LZIC: variants seen among roughly 807,000 people sequenced by gnomAD.
LZIC encodes leucine zipper and CTNNBIP1 domain containing, also known as protein LZIC.
In LZIC, 28 loss-of-function variants were observed where a neutral mutation model predicts 25.4. The ratio of observed to expected loss-of-function variants is 1.10; its 90% CI spans 0.82 to 1.51. The LOEUF (loss-of-function observed/expected upper bound fraction) is 1.51. LZIC is among the 40% of genes most tolerant of loss of function. LZIC has a pLI of 0.00. For synonymous variants in LZIC, 65 were observed against 70.7 expected, an observed-to-expected ratio of 0.92 and a Z score of 0.40; for missense variants, 170 against 211.1, an observed-to-expected ratio of 0.81 and a Z score of 1.21.
chr1:9,941,234 C>G (rs1481423741), intron 2 of LZIC, among the ~76,000 whole-genome samples: 1 of 151,952 alleles, frequency 6.6e-6, no homozygotes, highest in Non-Finnish European at 1.5e-5. Flanking sequence ...GTCTCACGGT[C>G]ACCCAGGTGG....
chr1:9,933,050 CAAG>C, intron 5 of LZIC, 152 bp from the exon 6 acceptor site: 1 of 553,342 alleles, frequency 1.8e-6, no homozygotes, highest in Non-Finnish European at 3.2e-6. Context: ...GTCAGGAGAC[CAAG>C]ACCATCCTGG....
At position 9,929,575 on chromosome 1, in the gene LZIC, C is replaced by T. The variant is rs1640125989; in HGVS notation, c.*824G>A. The T allele has an allele frequency of 2.0e-6, 2 of 985,406 alleles. No homozygotes were observed. Among genetic ancestry groups the T allele is most frequent in the Non-Finnish European group, 2.4e-6 (2 of 829,922 alleles). The allele number at this position is 985,406 out of a possible 1,614,324, so 61.0% of individuals were successfully genotyped here. ...AGGGAGGGCCTCTAGCTGCCATTTCCTGTTGCTTCCCTGGTCAAACAACGC... is the reference window on the plus strand; with the variant it reads ...AGGGAGGGCCTCTAGCTGCCATTTCTTGTTGCTTCCCTGGTCAAACAACGC... On this transcript the variant is annotated 3_prime_UTR_variant, in exon 8 of 8. Transcript: ENST00000377223.
In LZIC at chr1:9,931,953, G is replaced by T. The variant is rs761600828; in HGVS notation, c.452C>A (p.Ala151Asp). 3.7e-6 allele frequency: 6 copies of T among 1,613,570 alleles called. No homozygotes were observed. Among genetic ancestry groups the T allele is most frequent in the Non-Finnish European group, 5.1e-6 (6 of 1,179,774 alleles). ...LGEKLTADDE[A>D]FLSANAGAIL... ...AGCACCTGCATTTGCTGACAAGAAG[G>T]CCTCATCATCTGCAGTCAGCTAAAC... Residue 151 changes from alanine (A) to aspartate (D), a missense_variant, in exon 7 of 8, where the codon GCC becomes GAC. Ala to Asp is a moderately radical substitution (Grantham distance 126). Coordinates refer to ENST00000377223, the MANE Select transcript of LZIC (RefSeq NM_032368.5).
chr1:9,939,542 C>CTTTTTTTTTTTTT (rs34837155), intron 2 of LZIC, among the ~76,000 whole-genome samples: 210 of 81,808 alleles, frequency 2.6e-3, no homozygotes, highest in Non-Finnish European at 3.7e-3. Context: ...CCACATCTGC[C>CTTTTTTTTTTTTT]TTTTTTTTTT....
chr1:9,942,832 C>T (rs927003606), intron 1 of LZIC, 50 bp from the exon 2 acceptor site: 8 of 562,282 alleles, frequency 1.4e-5, no homozygotes, highest in South Asian at 1.2e-4. Context: ...TATATATAAA[C>T]TTGCCCTAAG....
intron 2 of LZIC, among the ~76,000 whole-genome samples, chr1:9,941,190 T>TTCTTTCC: frequency 6.6e-6 from 1 of 151,812 alleles, no homozygotes; most frequent in Admixed American, 6.6e-5. Context: ...CGTTCGTTCG[T>TTCTTTCC]TCTTTCTTTC....
chr1:9,938,715 G>A (rs1309131254), intron 2 of LZIC, among the ~76,000 whole-genome samples: 6 of 151,942 alleles, frequency 3.9e-5, no homozygotes, highest in Non-Finnish European at 1.5e-5. Context: ...ATGTTTTTTT[G>A]TCATGGCAAA....
At position 9,932,834 on chromosome 1, in the gene LZIC, AT is replaced by A; in HGVS notation, c.400del (p.Ile134TyrfsTer2). The A allele has an allele frequency of 6.2e-7, 1 of 1,612,122 alleles. No individual in the cohort carries two copies. The highest frequency in any genetic ancestry group is 8.5e-7 in the Non-Finnish European group (1 of 1,178,294). On this transcript the variant is annotated frameshift_variant, in exon 6 of 8. Coordinates refer to ENST00000377223, the MANE Select transcript of LZIC (RefSeq NM_032368.5). LOFTEE classifies it high-confidence loss of function. ...RDLYTQQKVE[I>X]LTALRKLGEK... is the part of the protein sequence containing the mutation. ...TCCAAGTTTCCTAAGAGCTGTTAGT[AT>A]CTCCACTTTCTGTTGAGTGTACAGG...
At chr1:9,943,119 G>A in intron 1 of LZIC, 130 bp downstream of exon 1, 1 of 176,848 alleles carries the variant, frequency 5.7e-6, no homozygotes, top group Admixed American at 5.6e-5. Flanking sequence ...GGCCACCGCA[G>A]CAAATCCCAC....
intron 5 of LZIC, among the ~76,000 whole-genome samples, chr1:9,933,472 ATGT>A (rs1272920112): frequency 6.6e-6 from 1 of 151,978 alleles, no homozygotes; most frequent in Non-Finnish European, 1.5e-5. Context: ...CACTAATAGC[ATGT>A]ACCACACATT....
rs917753092 is a variant in LZIC, at chr1:9,932,056, T to G, written c.433-84A>C. ...ACCAGGTAAGAATGTCTTAGGAGGC[T>G]GGGCACCGTGGCTCACGCCTGTAAT... On this transcript the variant is annotated intron_variant, in intron 6 of 7. Coordinates refer to ENST00000377223, the MANE Select transcript of LZIC (RefSeq NM_032368.5). 25 of 664,252 alleles carry G rather than the reference T, an allele frequency of 3.8e-5. No individual in the cohort carries two copies. The African/African-American group carries it at 5.3e-4, about 14-fold the overall frequency. 41.1% of individuals were successfully genotyped at this position (664,252 alleles called of 1,614,324 possible). A position where few individuals can be genotyped will look rare whatever the true frequency, so the allele number is the denominator to read the frequency against.
In LZIC at chr1:9,930,261, A is replaced by C. The variant is rs979014649; in HGVS notation, c.*138T>G. Reference sequence around the variant, plus strand: ...AAGAGCATAAACACAAGCCATAAGTATATTTTTATGTCGCTTTTTCTTAGG... The same window carrying C: ...AAGAGCATAAACACAAGCCATAAGTCTATTTTTATGTCGCTTTTTCTTAGG... On this transcript the variant is annotated 3_prime_UTR_variant, in exon 8 of 8. Coordinates refer to ENST00000377223, the MANE Select transcript of LZIC (RefSeq NM_032368.5). 3 of 1,528,724 alleles carry C rather than the reference A, an allele frequency of 2.0e-6. No homozygotes were observed. In the African/African-American group the frequency reaches 4.2e-5, roughly 21 times the overall value. 94.7% of individuals were successfully genotyped at this position (1,528,724 alleles called of 1,614,324 possible). A position where few individuals can be genotyped will look rare whatever the true frequency, so the allele number is the denominator to read the frequency against.
At chr1:9,925,738 C>T (rs896691558), downstream of LZIC, among the ~76,000 whole-genome samples, 7 of 151,738 alleles carry the variant, frequency 4.6e-5, no homozygotes, top group African/African-American at 9.7e-5. Flanking sequence ...TACAGGCACA[C>T]GCCACCACAC....
At chr1:9,938,177 C>CT (rs1222561907) in intron 2 of LZIC, among the ~76,000 whole-genome samples, 1 of 151,740 alleles carries the variant, frequency 6.6e-6, no homozygotes, top group South Asian at 2.1e-4. Flanking sequence ...TGAGCATGAA[C>CT]TTTTTTTTGA....
In LZIC at chr1:9,927,678, C is replaced by CT. The variant is rs551706607; in HGVS notation, c.*2720dup. Among the ~76,000 whole-genome samples, 1,024 of 106,536 alleles carry CT rather than the reference C, an allele frequency of 9.6e-3. 11 individuals carry two copies. The highest frequency in any genetic ancestry group is 0.012 in the Non-Finnish European group (637 of 54,676). 69.9% of individuals were successfully genotyped at this position (106,536 alleles called of 152,430 possible). On this transcript the variant is annotated 3_prime_UTR_variant, in exon 8 of 8. Transcript: ENST00000377223. ...AGGGTAAGGGAAGAATCTTCTTCCT[C>CT]TTTTTTTTTTTTTTTTTTTTTTTGA... is the stretch of plus-strand genomic sequence containing the variant.
chr1:9,926,341 T>TA lies in LZIC; in HGVS notation c.*4057dup, dbSNP rs936902759. On this transcript the variant is annotated 3_prime_UTR_variant, in exon 8 of 8. Transcript: ENST00000377223. Reference sequence around the variant, plus strand: ...AATGGTCTGGGTTTATTTTTTTCTATAGTAATTTCAGATTATCCATCATTC... The same window carrying TA: ...AATGGTCTGGGTTTATTTTTTTCTATAAGTAATTTCAGATTATCCATCATTC... Among the ~76,000 whole-genome samples, 1 of 152,184 alleles carries TA rather than the reference T, an allele frequency of 6.6e-6. No homozygotes were observed. The highest frequency in any genetic ancestry group is 1.5e-5 in the Non-Finnish European group (1 of 68,036).
Position 9,930,323 on chromosome 1 carries a change from C to A in LZIC, c.*76G>T. 6.4e-7 allele frequency: 1 copy of A among 1,573,742 alleles called. No homozygotes were observed. The highest frequency in any genetic ancestry group is 8.6e-7 in the Non-Finnish European group (1 of 1,162,812). ...TTTCCAGAATCTCTTCATTTCTTTG[C>A]AATAACTGAAAACCCCAGAAGAAAG... is the stretch of plus-strand genomic sequence containing the variant. On this transcript the variant is annotated 3_prime_UTR_variant, in exon 8 of 8. Transcript: ENST00000377223.
In LZIC at chr1:9,935,372, G is replaced by A. The variant is rs1044128046; in HGVS notation, c.237+120C>T. ...GAACCTGGGAGGCGGAGGTTGCAGTGAGCCAAGACTGCCCCACTGCACTCC... is the reference window on the plus strand; with the variant it reads ...GAACCTGGGAGGCGGAGGTTGCAGTAAGCCAAGACTGCCCCACTGCACTCC... On this transcript the variant is annotated intron_variant, in intron 4 of 7. Transcript: ENST00000377223. 3 of 1,024,782 alleles carry A rather than the reference G, an allele frequency of 2.9e-6. No individual in the cohort carries two copies. The African/African-American group carries it at 4.9e-5, about 17-fold the overall frequency. 63.5% of individuals were successfully genotyped at this position (1,024,782 alleles called of 1,614,324 possible).
Position 9,935,593 on chromosome 1 carries a change from T to C in LZIC, c.136A>G (p.Lys46Glu). 2 of 1,611,216 alleles carry C rather than the reference T, an allele frequency of 1.2e-6. No homozygotes were observed. The highest frequency in any genetic ancestry group is 1.7e-6 in the Non-Finnish European group (2 of 1,179,292). ...CTTAGTTGCTCCAGAGTTTCCTTTT[T>C]GGTTTCTTCATATTCATCTGTATCA... ...ELDTDEYEET[K>E]KETLEQLSEF... The change falls in exon 4 of 8, where the codon AAA (lysine) becomes GAA (glutamate). Residue 46 changes from lysine (K) to glutamate (E), a missense_variant. Transcript: ENST00000377223.
Sources: gnomAD v4.1 joint callset for allele counts (sites outside exome capture counted in the v4.1 genomes callset) on GRCh38, gnomAD v4.1.1 for gene constraint, MANE v1.5 for transcripts, NCBI Gene and HGNC (gene_info 2026-07-23, HGNC 2026-07-21) for gene names.